The following WASF3 variants were observed in gnomAD, a reference collection of about 807,000 sequenced individuals.
The protein encoded by WASF3 is WASP family member 3, also known as actin-binding protein WASF3.
Under a neutral mutation model 46.6 loss-of-function variants are expected in WASF3, and 11 were observed. That is an observed-to-expected ratio of 0.24 (90% CI 0.15 to 0.39). The LOEUF is 0.39. WASF3 is among the 10% of genes least tolerant of loss of function. The pLI is 1.00. For synonymous variants in WASF3, 242 were observed against 259.7 expected, an observed-to-expected ratio of 0.93 and a Z score of 0.65; for missense variants, 576 against 669.8, an observed-to-expected ratio of 0.86 and a Z score of 1.55.
At chr13:26,577,617 A>T in intron 1 of WASF3, 18 of 1,178,744 alleles carry the variant, frequency 1.5e-5, no homozygotes, top group Non-Finnish European at 2.3e-5. Flanking sequence ...ACTGGGAGCA[A>T]GACAGGTGCT....
At chr13:26,667,744 G>A (rs1882815698) in intron 5 of WASF3, 74 bp downstream of exon 5, 23 of 1,441,480 alleles carry the variant, frequency 1.6e-5, no homozygotes, top group Non-Finnish European at 2.2e-5. Flanking sequence ...GCAAGCTGAT[G>A]CATTGTGTGG....
upstream of WASF3, among the ~76,000 whole-genome samples, chr13:26,555,510 T>C (rs515196): frequency 0.99 from 150,272 of 152,094 alleles, 74,261 homozygotes; most frequent in Non-Finnish European, 1. Context: ...GCCAATAAAA[T>C]GCAAGCAGAA....
intron 1 of WASF3, among the ~76,000 whole-genome samples, chr13:26,575,830 C>A (rs955425327): frequency 6.6e-6 from 1 of 151,534 alleles, no homozygotes; most frequent in East Asian, 1.9e-4. Flanking sequence ...TCTCTGATAT[C>A]ATTCTGTGAT....
At chr13:26,598,852 T>A (rs956564157) in intron 1 of WASF3, among the ~76,000 whole-genome samples, 9 of 152,212 alleles carry the variant, frequency 5.9e-5, no homozygotes, top group African/African-American at 2.2e-4. Flanking sequence ...CTCTTTGCCC[T>A]GCTCTTTTTA....
At chr13:26,659,385 A>T (rs1349259059) in intron 3 of WASF3, among the ~76,000 whole-genome samples, 1 of 152,206 alleles carries the variant, frequency 6.6e-6, no homozygotes, top group Non-Finnish European at 1.5e-5. Context: ...ATAGGAGATG[A>T]GGCCCAAAGG....
At chr13:26,576,837 A>C (rs1038311724) in intron 1 of WASF3, 2 of 511,308 alleles carry the variant, frequency 3.9e-6, no homozygotes, top group Non-Finnish European at 6.9e-6. Context: ...CATCCTACGT[A>C]ACTATAGTAT....
chr13:26,551,387 T>C, the WASF3 span, among the ~76,000 whole-genome samples: 1 of 152,206 alleles, frequency 6.6e-6, no homozygotes, highest in Admixed American at 6.5e-5. Flanking sequence ...TCTGATGCCT[T>C]GGAGCCCTCT....
intron 1 of WASF3, chr13:26,606,456 A>T (rs1253813698): frequency 6.6e-6 from 1 of 151,084 alleles, no homozygotes. Flanking sequence ...CCCAAGCTGA[A>T]GCGATCCTCC....
At chr13:26,543,969 A>G in the WASF3 span, among the ~76,000 whole-genome samples, 1 of 152,176 alleles carries the variant, frequency 6.6e-6, no homozygotes, top group African/African-American at 2.4e-5. Flanking sequence ...AAAATCCTTA[A>G]AAAATAATGA....
At chr13:26,569,431 A>G (rs570893510) in intron 1 of WASF3, among the ~76,000 whole-genome samples, 1 of 152,342 alleles carries the variant, frequency 6.6e-6, no homozygotes, top group East Asian at 1.9e-4. Context: ...AAAGGTAGCT[A>G]GAAAACCTTT....
At chr13:26,541,685 G>T in the WASF3 span, among the ~76,000 whole-genome samples, 1 of 151,612 alleles carries the variant, frequency 6.6e-6, no homozygotes, top group Non-Finnish European at 1.5e-5. Flanking sequence ...ATCTCACTAT[G>T]TTGACCAGGC....
At chr13:26,574,091 C>G (rs1879718440) in intron 1 of WASF3, among the ~76,000 whole-genome samples, 1 of 152,066 alleles carries the variant, frequency 6.6e-6, no homozygotes, top group African/African-American at 2.4e-5. Context: ...GCACTGTGAT[C>G]AGAGGATATT....
At chr13:26,550,965 C>T in the WASF3 span, among the ~76,000 whole-genome samples, 7 of 152,154 alleles carry the variant, frequency 4.6e-5, no homozygotes, top group East Asian at 1.3e-3. Context: ...TGTCCCCACC[C>T]AAATCTGATG....
In WASF3 at chr13:26,688,643, T is replaced by C. The variant is rs574644095; in HGVS notation, c.*2798T>C. On this transcript the variant is annotated 3_prime_UTR_variant, in exon 10 of 10. Transcript: ENST00000335327. ...GTTTTTAGAACATCAAAATGTTTTC[T>C]GAGCTCCAAGTGGCTAGGTTGTAAA... 2.0e-5 allele frequency: 3 copies of C among 152,278 alleles called. No individual in the cohort carries two copies. Among genetic ancestry groups the C allele is most frequent in the African/African-American group, 4.8e-5 (2 of 41,482 alleles). The allele number at this position is 152,278 out of a possible 1,614,324, so 9.4% of individuals were successfully genotyped here.
At chr13:26,646,773 A>G (rs1882162422) in intron 3 of WASF3, among the ~76,000 whole-genome samples, 1 of 152,202 alleles carries the variant, frequency 6.6e-6, no homozygotes. Context: ...GTGAAAACCC[A>G]GGGCAACTAA....
intron 3 of WASF3, among the ~76,000 whole-genome samples, chr13:26,643,904 C>G (rs1001206817): frequency 6.6e-6 from 1 of 152,172 alleles, no homozygotes; most frequent in South Asian, 2.1e-4. Flanking sequence ...ATAGCCCCTC[C>G]GGATATGTCC....
At chr13:26,680,534 G>A (rs1475660849) in intron 7 of WASF3, among the ~76,000 whole-genome samples, 2 of 152,174 alleles carry the variant, frequency 1.3e-5, no homozygotes, top group East Asian at 1.9e-4. Context: ...ATTGCTTTCT[G>A]CCCTTTTTGT....
intron 2 of WASF3, among the ~76,000 whole-genome samples, chr13:26,637,082 G>A (rs562332903): frequency 9.2e-5 from 14 of 152,188 alleles, no homozygotes; most frequent in Non-Finnish European, 2.1e-4. Flanking sequence ...CAGCATGACG[G>A]TGTTGCTCTC....
chr13:26,640,478 T>G (rs1325630796), intron 2 of WASF3: 4 of 152,156 alleles, frequency 2.6e-5, no homozygotes, highest in Non-Finnish European at 5.9e-5. Flanking sequence ...TTTGGCTCAC[T>G]GCAATCTCTG....
Sources: gnomAD v4.1 joint callset for allele counts (sites outside exome capture counted in the v4.1 genomes callset) on GRCh38, gnomAD v4.1.1 for gene constraint, MANE v1.5 for transcripts, NCBI Gene and HGNC (gene_info 2026-07-23, HGNC 2026-07-21) for gene names.